The following PCDH9 variants were observed in gnomAD, a reference collection of about 807,000 sequenced individuals.
PCDH9 encodes protocadherin-9.
In PCDH9, 24 loss-of-function variants were observed where a neutral mutation model predicts 70.6. The ratio of observed to expected loss-of-function variants is 0.34; its 90% CI spans 0.25 to 0.48. The LOEUF is 0.48. Among genes scored for constraint, PCDH9 ranks in the 20% least tolerant of loss-of-function variants. PCDH9 has a pLI of 0.99. For missense variants in PCDH9, 1,281 were observed against 1,503.6 expected, an observed-to-expected ratio of 0.85 and a Z score of 2.45; for synonymous variants, 562 against 558.5, an observed-to-expected ratio of 1.01 and a Z score of -0.09.
At position 66,941,255 on chromosome 13, in the gene PCDH9, T is replaced by A. The variant is rs142615439; in HGVS notation, c.3037-37650A>T. Among the ~76,000 whole-genome samples, 503 of 151,108 alleles carry A rather than the reference T, an allele frequency of 3.3e-3. 15 individuals are homozygous for A. The East Asian group carries it at 0.072, about 21-fold the overall frequency. On this transcript the variant is annotated intron_variant, in intron 2 of 4. Coordinates refer to ENST00000377865, the MANE Select transcript of PCDH9 (RefSeq NM_203487.3). ...AACCCTAAAGCAACCAATAAAAATT[T>A]AAAAAAAATGAAATATATGGGTAAT...
At chr13:67,197,764 A>G (rs980844743) in intron 2 of PCDH9, among the ~76,000 whole-genome samples, 8 of 151,950 alleles carry the variant, frequency 5.3e-5, no homozygotes, top group Non-Finnish European at 1.2e-4. Flanking sequence ...AGGCTGTTGT[A>G]TATCTCCAAA....
chr13:67,070,026 A>C (rs934281093), intron 2 of PCDH9, among the ~76,000 whole-genome samples: 1 of 151,620 alleles, frequency 6.6e-6, no homozygotes, highest in Non-Finnish European at 1.5e-5. Flanking sequence ...GATTTTTATC[A>C]ACCCTGCTAC....
At position 67,136,800 on chromosome 13, in the gene PCDH9, A is replaced by G. The variant is rs189564765; in HGVS notation, c.3036+88605T>C. 3.3e-5 allele frequency among the ~76,000 whole-genome samples: 5 copies of G among 152,224 alleles called. No individual in the cohort carries two copies. In the East Asian group the frequency reaches 9.7e-4, roughly 29 times the overall value. On this transcript the variant is annotated intron_variant, in intron 2 of 4. Coordinates refer to ENST00000377865, the MANE Select transcript of PCDH9 (RefSeq NM_203487.3). ...TGTTATATATGAAATGGAGACTCAAATTCCAGTCTGAATCAATCACTTGGA... is the reference window on the plus strand; with the variant it reads ...TGTTATATATGAAATGGAGACTCAAGTTCCAGTCTGAATCAATCACTTGGA...
At chr13:66,407,319 T>C (rs568969566) in intron 4 of PCDH9, among the ~76,000 whole-genome samples, 385 of 152,314 alleles carry the variant, frequency 2.5e-3, no homozygotes, top group Non-Finnish European at 3.8e-3. Flanking sequence ...TTTCTTCTAA[T>C]CTATGTTCAC....
At chr13:66,386,335 T>C (rs538151328) in intron 4 of PCDH9, among the ~76,000 whole-genome samples, 3 of 152,280 alleles carry the variant, frequency 2.0e-5, no homozygotes, top group East Asian at 3.9e-4. Context: ...AGTCAAATAC[T>C]GTATCTTTGA....
At chr13:66,756,237 G>A (rs1161830127) in intron 3 of PCDH9, among the ~76,000 whole-genome samples, 1 of 152,106 alleles carries the variant, frequency 6.6e-6, no homozygotes, top group Non-Finnish European at 1.5e-5. Flanking sequence ...AATATAAGGT[G>A]AATACAAACA....
chr13:66,816,418 G>A (rs2080606167), intron 3 of PCDH9, among the ~76,000 whole-genome samples: 1 of 152,018 alleles, frequency 6.6e-6, no homozygotes, highest in South Asian at 2.1e-4. Flanking sequence ...ATATGGGTAC[G>A]CACACAAGTG....
At chr13:66,897,348 A>C (rs2082200173) in intron 3 of PCDH9, among the ~76,000 whole-genome samples, 1 of 152,050 alleles carries the variant, frequency 6.6e-6, no homozygotes. Flanking sequence ...AGGTTGGATA[A>C]CTTGTTTCCC....
At chr13:67,200,570 C>G (rs947241309) in intron 2 of PCDH9, among the ~76,000 whole-genome samples, 1 of 151,936 alleles carries the variant, frequency 6.6e-6, no homozygotes, top group African/African-American at 2.4e-5. Context: ...CAATAGCATG[C>G]CAAAAGTAAT....
intron 4 of PCDH9, among the ~76,000 whole-genome samples, chr13:66,516,431 T>C (rs973939245): frequency 7.9e-5 from 12 of 152,060 alleles, no homozygotes; most frequent in Non-Finnish European, 1.6e-4. Context: ...TGTAAGCCTT[T>C]GATATCTGCA....
chr13:66,434,071 C>T (rs369897720), intron 4 of PCDH9, among the ~76,000 whole-genome samples: 32 of 151,922 alleles, frequency 2.1e-4, no homozygotes, highest in African/African-American at 7.0e-4. Context: ...CTTTAACTTA[C>T]AATGGCTATA....
chr13:66,413,727 A>T (rs1439330442), intron 4 of PCDH9, among the ~76,000 whole-genome samples: 5 of 151,938 alleles, frequency 3.3e-5, no homozygotes, highest in Non-Finnish European at 5.9e-5. Context: ...TATTAAAAAA[A>T]GGACCCTCAA....
intron 4 of PCDH9, 47 bp downstream of exon 4, chr13:66,631,163 C>A (rs1452251148): frequency 5.1e-6 from 5 of 982,490 alleles, no homozygotes; most frequent in Non-Finnish European, 1.6e-6. Context: ...AAGTGCACTA[C>A]AAAACCAGAA....
chr13:66,435,118 C>T (rs1472505882), intron 4 of PCDH9, among the ~76,000 whole-genome samples: 1 of 152,066 alleles, frequency 6.6e-6, no homozygotes, highest in African/African-American at 2.4e-5. Context: ...CTTTAATAAA[C>T]TGTAACCCAT....
intron 4 of PCDH9, among the ~76,000 whole-genome samples, chr13:66,373,079 C>A (rs1000830550): frequency 2.0e-5 from 3 of 151,790 alleles, no homozygotes; most frequent in African/African-American, 7.3e-5. Context: ...TGAAAACAAT[C>A]GAAAAGGTCA....
chr13:67,147,345 G>A (rs922856249), intron 2 of PCDH9, among the ~76,000 whole-genome samples: 7 of 152,106 alleles, frequency 4.6e-5, no homozygotes, highest in Non-Finnish European at 1.0e-4. Flanking sequence ...TAATAGCAGA[G>A]GTGAAAGTGG....
chr13:66,613,549 G>C lies in PCDH9; in HGVS notation c.3340+17661C>G, dbSNP rs567060912. ...TGCTTTGCATGTCTGTATGGTTTGT[G>C]TGGCAAGCCTCCATCTTGCTTTACA... On this transcript the variant is annotated intron_variant, in intron 4 of 4. Transcript: ENST00000377865. 1.2e-3 allele frequency among the ~76,000 whole-genome samples: 183 copies of C among 152,148 alleles called. 1 individual carries two copies. Among genetic ancestry groups the C allele is most frequent in the Non-Finnish European group, 2.1e-3 (142 of 68,008 alleles).
chr13:67,125,268 A>G (rs778652511), intron 2 of PCDH9, among the ~76,000 whole-genome samples: 43 of 152,118 alleles, frequency 2.8e-4, no homozygotes, highest in Non-Finnish European at 4.9e-4. Context: ...CATATGTTGT[A>G]TCTCTGTTGT....
intron 2 of PCDH9, chr13:67,221,423 G>GTATACACT (rs2089722085): frequency 6.6e-6 from 1 of 152,042 alleles, no homozygotes. Context: ...AAAAATACAT[G>GTATACACT]TATACACTTA....
Sources: allele counts gnomAD v4.1 joint callset (sites outside exome capture counted in the v4.1 genomes callset), GRCh38; gene constraint gnomAD v4.1.1; transcripts MANE v1.5; gene names NCBI Gene and HGNC (gene_info 2026-07-23, HGNC 2026-07-21).